ADRA1B: variants seen among roughly 807,000 people sequenced by gnomAD.
The protein encoded by ADRA1B is adrenoceptor alpha 1B, also known as alpha-1B adrenergic receptor.
Under a neutral mutation model 17.9 loss-of-function variants are expected in ADRA1B, and 17 were observed. The ratio of observed to expected loss-of-function variants is 0.95; its 90% confidence interval spans 0.65 to 1.42. The LOEUF is 1.42. Ranked by LOEUF, ADRA1B falls within the 40% of genes most tolerant of loss-of-function variation. ADRA1B has a pLI of 0.00. For missense variants in ADRA1B, 681 were observed against 722.1 expected, an observed-to-expected ratio of 0.94 and a Z score of 0.65; for synonymous variants, 366 against 327.6, an observed-to-expected ratio of 1.12 and a Z score of -1.27.
chr5:159,877,419 C>A (rs1205171556), intron 1 of ADRA1B, among the ~76,000 whole-genome samples: 1 of 152,158 alleles, frequency 6.6e-6, no homozygotes, highest in Non-Finnish European at 1.5e-5. Flanking sequence ...TGCACCCAAT[C>A]TTTGGGTGCA....
the ADRA1B span, among the ~76,000 whole-genome samples, chr5:159,983,267 G>C: frequency 6.6e-6 from 1 of 152,182 alleles, no homozygotes; most frequent in Non-Finnish European, 1.5e-5. Context: ...CCAAGGGCCA[G>C]CTAGTCCAGG....
At chr5:159,988,700 G>A in the ADRA1B span, among the ~76,000 whole-genome samples, 49 of 152,290 alleles carry the variant, frequency 3.2e-4, 1 homozygote, top group South Asian at 9.7e-3. Context: ...ATCTGTGGCC[G>A]GGCATGGTGG....
At chr5:159,906,394 C>A (rs1404130835) in intron 1 of ADRA1B, among the ~76,000 whole-genome samples, 1 of 152,178 alleles carries the variant, frequency 6.6e-6, no homozygotes, top group Non-Finnish European at 1.5e-5. Context: ...TTACAGATGA[C>A]CTCCATTGGA....
intron 1 of ADRA1B, among the ~76,000 whole-genome samples, chr5:159,873,149 C>T (rs1167538201): frequency 6.6e-6 from 1 of 152,164 alleles, no homozygotes; most frequent in Non-Finnish European, 1.5e-5. Context: ...TGTATATGTG[C>T]CACATTTTCT....
chr5:159,953,953 C>G (rs1755499913), intron 1 of ADRA1B, among the ~76,000 whole-genome samples: 1 of 152,146 alleles, frequency 6.6e-6, no homozygotes, highest in Non-Finnish European at 1.5e-5. Context: ...AACTCTCTCT[C>G]CCCGGCTGCC....
intron 1 of ADRA1B, among the ~76,000 whole-genome samples, chr5:159,943,992 C>G (rs1450026975): frequency 1.3e-5 from 2 of 151,940 alleles, no homozygotes; most frequent in South Asian, 2.1e-4. Flanking sequence ...TCTTGGTTCT[C>G]TCTTCCTTTA....
intron 1 of ADRA1B, among the ~76,000 whole-genome samples, chr5:159,970,967 G>C (rs939493295): frequency 1.3e-5 from 2 of 152,066 alleles, no homozygotes; most frequent in Non-Finnish European, 2.9e-5. Context: ...AACACGCCTG[G>C]TTAATGCTTT....
At position 159,972,252 on chromosome 5, in the gene ADRA1B, G is replaced by A; in HGVS notation, c.1323G>A (p.Leu441=). The A allele has an allele frequency of 7.4e-7, 1 of 1,357,766 alleles. No individual in the cohort carries two copies. Among genetic ancestry groups the A allele is most frequent in the South Asian group, 1.7e-5 (1 of 59,094 alleles). 84.1% of individuals were successfully genotyped at this position (1,357,766 alleles called of 1,614,324 possible). A position where few individuals can be genotyped will look rare whatever the true frequency, so the allele number is the denominator to read the frequency against. The change falls in exon 2 of 2, where the codon CTG becomes CTA. Residue 441 remains leucine (L), a synonymous_variant. Transcript: ENST00000306675. The stretch of plus-strand genomic sequence containing the variant: ...GCGGCGCGCCACCGCCAGTCGAGCT[G>A]TGCGCCTTCCCCGAGTGGAAGGCGC... ...LGRGAPPPVE[L]CAFPEWKAPG... is the part of the protein sequence containing the mutation.
chr5:159,900,403 G>A (rs1227266123), intron 1 of ADRA1B, among the ~76,000 whole-genome samples: 1 of 152,184 alleles, frequency 6.6e-6, no homozygotes, highest in African/African-American at 2.4e-5. Context: ...CCTCAGTAAA[G>A]TTTTGTCACT....
At chr5:159,909,183 C>G (rs1459041181) in intron 1 of ADRA1B, among the ~76,000 whole-genome samples, 1 of 152,182 alleles carries the variant, frequency 6.6e-6, no homozygotes, top group African/African-American at 2.4e-5. Flanking sequence ...ACGCTGCTCC[C>G]CCCTTCACTA....
At chr5:159,918,645 C>T (rs772659944) in intron 1 of ADRA1B, among the ~76,000 whole-genome samples, 18 of 152,326 alleles carry the variant, frequency 1.2e-4, no homozygotes, top group African/African-American at 3.1e-4. Context: ...GAATTCAGTG[C>T]GTCCTCCCCC....
chr5:159,912,079 C>T (rs1049161426), upstream of ADRA1B, among the ~76,000 whole-genome samples: 11 of 152,184 alleles, frequency 7.2e-5, no homozygotes, highest in South Asian at 2.1e-4. Flanking sequence ...TTGGGCCCAA[C>T]GCCTGGCACC....
intron 1 of ADRA1B, among the ~76,000 whole-genome samples, chr5:159,965,720 G>A (rs145162617): frequency 4.5e-4 from 69 of 152,284 alleles, no homozygotes; most frequent in African/African-American, 1.2e-3. Flanking sequence ...GCAGCCTGGC[G>A]GTCCAGTCCC....
At chr5:159,955,922 G>GTC (rs143519789) in intron 1 of ADRA1B, among the ~76,000 whole-genome samples, 7,454 of 149,998 alleles carry the variant, frequency 0.05, 228 homozygotes, top group East Asian at 0.13. Flanking sequence ...CTTTCTCTTT[G>GTC]TCTCTCTCTC....
At chr5:159,950,612 C>A (rs1253919346) in intron 1 of ADRA1B, 4 of 923,278 alleles carry the variant, frequency 4.3e-6, no homozygotes, top group Non-Finnish European at 3.6e-6. Flanking sequence ...CCGGCCCCAG[C>A]ATCAAAGGTG....
chr5:159,917,915 G>C, intron 1 of ADRA1B, 61 bp downstream of exon 1: 3 of 1,412,356 alleles, frequency 2.1e-6, no homozygotes, highest in South Asian at 1.4e-5. Context: ...TTACTGATGA[G>C]CTTACTCTAA....
downstream of ADRA1B, among the ~76,000 whole-genome samples, chr5:159,974,157 C>T (rs1222695650): frequency 5.9e-5 from 9 of 151,278 alleles, no homozygotes; most frequent in South Asian, 2.1e-4. Flanking sequence ...GGGGCACAAA[C>T]GAGATTGTCA....
At chr5:159,922,441 G>T (rs926600457) in intron 1 of ADRA1B, among the ~76,000 whole-genome samples, 5 of 152,184 alleles carry the variant, frequency 3.3e-5, no homozygotes, top group African/African-American at 1.2e-4. Context: ...CTGTCTGATA[G>T]CAACCTGTTT....
In ADRA1B at chr5:159,947,725, G is replaced by C. The variant is rs182017048; in HGVS notation, c.950-24154G>C. On this transcript the variant is annotated intron_variant, in intron 1 of 1. Coordinates refer to ENST00000306675, the MANE Select transcript of ADRA1B (RefSeq NM_000679.4). ...CTCTTTAAGCTTGAAGACGTTGAAT[G>C]CTTGCTGTAAATCCAGGAAAGAAAT... 3.9e-5 allele frequency: 38 copies of C among 985,372 alleles called. No homozygotes were observed. The East Asian group carries it at 2.7e-3, about 71-fold the overall frequency. 61.0% of individuals were successfully genotyped at this position (985,372 alleles called of 1,614,324 possible).
Sources: gnomAD v4.1 joint callset for allele counts (sites outside exome capture counted in the v4.1 genomes callset) on GRCh38, gnomAD v4.1.1 for gene constraint, MANE v1.5 for transcripts, NCBI Gene and HGNC (gene_info 2026-07-23, HGNC 2026-07-21) for gene names.